Variants in LRRC69 observed in about 807,000 individuals in gnomAD.
LRRC69 encodes the protein leucine-rich repeat-containing protein 69.
A neutral mutation model predicts 37.8 loss-of-function variants in LRRC69; 42 were observed. The observed-to-expected ratio is 1.11, with a 90% CI of 0.87 to 1.44. LRRC69 has a LOEUF of 1.44. LRRC69 is among the 40% of genes most tolerant of loss of function. The pLI, the probability that LRRC69 is intolerant of heterozygous loss-of-function variation, is 0.00. For missense variants in LRRC69, 357 were observed against 401.9 expected (o/e 0.89, Z 0.96); for synonymous variants, 141 against 143.1 (o/e 0.99, Z 0.11).
intron 6 of LRRC69, among the ~76,000 whole-genome samples, chr8:91,195,203 G>A (rs1394355126): frequency 1.4e-4 from 22 of 152,080 alleles, no homozygotes; most frequent in African/African-American, 5.1e-4. Context: ...ACTGTGGTCT[G>A]AGAGATAGTT....
chr8:91,137,137 C>A (rs930696745), intron 5 of LRRC69, among the ~76,000 whole-genome samples: 1 of 151,898 alleles, frequency 6.6e-6, no homozygotes, highest in Non-Finnish European at 1.5e-5. Flanking sequence ...ACAGTGTTTC[C>A]AAAAATGTGT....
At chr8:91,158,581 G>A (rs528652530) in intron 5 of LRRC69, 67 of 1,318,266 alleles carry the variant, frequency 5.1e-5, no homozygotes, top group Middle Eastern at 1.8e-4. Context: ...AAGCACAGGG[G>A]TGTTTATAGT....
chr8:91,136,110 G>A (rs1028998967), intron 5 of LRRC69, among the ~76,000 whole-genome samples: 2 of 151,766 alleles, frequency 1.3e-5, no homozygotes, highest in African/African-American at 4.8e-5. Context: ...ACTTTTGTTA[G>A]TCATTTTTAG....
At chr8:91,118,459 G>A (rs928886606) in intron 1 of LRRC69, 7 of 321,092 alleles carry the variant, frequency 2.2e-5, no homozygotes, top group Non-Finnish European at 3.6e-5. Context: ...AACCCAGGAG[G>A]CAGAGGTTGC....
At chr8:91,213,309 A>G (rs552382565) in intron 7 of LRRC69, among the ~76,000 whole-genome samples, 28 of 152,264 alleles carry the variant, frequency 1.8e-4, no homozygotes, top group African/African-American at 6.5e-4. Context: ...CTAAGCCAAG[A>G]TGCTTTTGAG....
intron 6 of LRRC69, among the ~76,000 whole-genome samples, chr8:91,198,603 T>A (rs541676672): frequency 1.5e-4 from 23 of 152,242 alleles, no homozygotes; most frequent in Admixed American, 6.5e-4. Context: ...ACATATAAAA[T>A]CAATTTCATT....
chr8:91,209,941 A>G (rs1809877209), intron 7 of LRRC69, among the ~76,000 whole-genome samples: 1 of 152,180 alleles, frequency 6.6e-6, no homozygotes, highest in Non-Finnish European at 1.5e-5. Context: ...GCAAGGTACT[A>G]TGCTAAGCTC....
At chr8:91,124,700 G>T (rs1563596752) in intron 2 of LRRC69, 81 bp downstream of exon 2, 5 of 1,239,852 alleles carry the variant, frequency 4.0e-6, no homozygotes, top group Non-Finnish European at 5.5e-6. Flanking sequence ...AAATGAAAAA[G>T]AATTTTGCAT....
intron 5 of LRRC69, among the ~76,000 whole-genome samples, chr8:91,169,124 G>T (rs1809080303): frequency 6.6e-6 from 1 of 151,890 alleles, no homozygotes; most frequent in African/African-American, 2.4e-5. Context: ...AGAGCTGGAG[G>T]CCATAATCCT....
intron 6 of LRRC69, among the ~76,000 whole-genome samples, chr8:91,191,512 G>A (rs1463821336): frequency 2.0e-5 from 3 of 152,130 alleles, no homozygotes. Flanking sequence ...TAGAAATGGA[G>A]ATTCAGGGAG....
At chr8:91,200,885 T>A in intron 7 of LRRC69, 93 bp downstream of exon 7, 2 of 1,206,094 alleles carry the variant, frequency 1.7e-6, no homozygotes, top group Non-Finnish European at 2.2e-6. Flanking sequence ...GATTTGTACC[T>A]ATGATTGGCT....
At chr8:91,126,726 G>C (rs1332462778) in intron 2 of LRRC69, among the ~76,000 whole-genome samples, 2 of 152,038 alleles carry the variant, frequency 1.3e-5, no homozygotes, top group East Asian at 3.8e-4. Context: ...AGGAAAGAGA[G>C]AGCGGGTAAG....
intron 3 of LRRC69, among the ~76,000 whole-genome samples, chr8:91,129,916 T>A (rs1813780188): frequency 6.6e-6 from 1 of 152,066 alleles, no homozygotes; most frequent in Non-Finnish European, 1.5e-5. Flanking sequence ...GTTACTGTCC[T>A]TTACATAGTC....
intron 5 of LRRC69, among the ~76,000 whole-genome samples, chr8:91,182,985 C>A (rs1021741059): frequency 6.6e-6 from 1 of 152,036 alleles, no homozygotes; most frequent in African/African-American, 2.4e-5. Context: ...GAAGAACGAA[C>A]AACAATCAGT....
intron 3 of LRRC69, 83 bp downstream of exon 3, chr8:91,127,243 A>AG: frequency 1.0e-6 from 1 of 1,001,020 alleles, no homozygotes; most frequent in Non-Finnish European, 1.5e-6. Flanking sequence ...CATTATGCCT[A>AG]GCATAAGTCC....
rs571630533 is a variant in LRRC69, at chr8:91,129,825, C to A, written c.383+2665C>A. Among the ~76,000 whole-genome samples, 3 of 152,124 alleles carry A rather than the reference C, an allele frequency of 2.0e-5. No individual in the cohort carries two copies. In the South Asian group the frequency reaches 6.2e-4, roughly 32 times the overall value. On this transcript the variant is annotated intron_variant, in intron 3 of 7. Transcript: ENST00000448384. ...GTCATCTCTCTCTGAAGTCCCGTGT[C>A]TTTTGCTTTTGCTTCCTGTGTAACA...
rs75313750 is a variant in LRRC69, at chr8:91,183,707, A to G, written c.652-5815A>G. ...CTGGGCAAAGAATTATGAGTTATCA[A>G]GGAAAATTTAGTTAGAAGAGCATGT... On this transcript the variant is annotated intron_variant, in intron 5 of 7. Coordinates refer to ENST00000448384, the Ensembl canonical transcript of LRRC69. 4.2e-3 allele frequency among the ~76,000 whole-genome samples: 642 copies of G among 152,334 alleles called. 2 individuals are homozygous for G. The highest frequency in any genetic ancestry group is 6.9e-3 in the Non-Finnish European group (467 of 68,020).
At chr8:91,157,952 A>G in intron 5 of LRRC69, 2 of 1,437,632 alleles carry the variant, frequency 1.4e-6, no homozygotes, top group Non-Finnish European at 2.0e-6. Flanking sequence ...CACGTTCCGT[A>G]TTCCAGTGGA....
chr8:91,134,966 C>T (rs1470607498), intron 4 of LRRC69, among the ~76,000 whole-genome samples: 1 of 151,924 alleles, frequency 6.6e-6, no homozygotes, highest in African/African-American at 2.4e-5. Context: ...AAGACAGCAA[C>T]AAATATCAAC....
Sources: allele counts gnomAD v4.1 joint callset (sites outside exome capture counted in the v4.1 genomes callset), GRCh38; gene constraint gnomAD v4.1.1; transcripts MANE v1.5; gene names NCBI Gene and HGNC (gene_info 2026-07-23, HGNC 2026-07-21).